NEB: variants seen among roughly 807,000 people sequenced by gnomAD.
NEB encodes the protein nemaline myopathy type 2.
A neutral mutation model predicts 952.2 loss-of-function variants in NEB; 512 were observed. That is an observed-to-expected ratio of 0.54 (90% CI 0.50 to 0.58). The LOEUF (loss-of-function observed/expected upper bound fraction) is 0.58. NEB is among the 20% of genes least tolerant of loss of function. The pLI, the probability that NEB is intolerant of heterozygous loss-of-function variation, is 0.00. For missense variants in NEB, 8,428 were observed against 9,231.1 expected, an observed-to-expected ratio of 0.91 and a Z score of 3.56; for synonymous variants, 2,900 against 3,149.8, an observed-to-expected ratio of 0.92 and a Z score of 2.66.
At chr2:151,630,268 C>T (rs4664492) in intron 67 of NEB, among the ~76,000 whole-genome samples, 1 of 152,006 alleles carries the variant, frequency 6.6e-6, no homozygotes, top group African/African-American at 2.4e-5. Flanking sequence ...ATAGAGAACA[C>T]TTCTTCCTTA....
intron 170 of NEB, 158 bp downstream of exon 170, chr2:151,498,100 CAT>C (rs2061552142): frequency 1.4e-6 from 2 of 1,478,662 alleles, no homozygotes; most frequent in Non-Finnish European, 9.0e-7. Context: ...AAAAAATTGA[CAT>C]TAACTGTATT....
At chr2:151,570,413 CAGA>C (rs747434554) in intron 108 of NEB, 21 bp from the exon 109 acceptor site, 1 of 1,571,812 alleles carries the variant, frequency 6.4e-7, no homozygotes, top group Non-Finnish European at 8.6e-7. Flanking sequence ...AAAAATAAAG[CAGA>C]TGGGTCACAG....
intron 27 of NEB, 78 bp downstream of exon 27, chr2:151,687,341 C>T: frequency 7.9e-7 from 1 of 1,257,916 alleles, no homozygotes; most frequent in South Asian, 1.3e-5. Context: ...TCATGAAATT[C>T]TTTTCCACAC....
chr2:151,619,463 G>T lies in NEB; in HGVS notation c.10860C>A (p.Asp3620Glu), dbSNP rs748243107. 31 of 1,605,724 alleles carry T rather than the reference G, an allele frequency of 1.9e-5. No individual in the cohort carries two copies. The Middle Eastern group carries it at 6.6e-4, about 34-fold the overall frequency. The change falls in exon 73 of 182, where the codon GAC becomes GAA. Residue 3620 changes from aspartate (D) to glutamate (E), a missense_variant. By Grantham distance (45) the Asp-to-Glu change is conservative. Transcript: ENST00000397345. ...CAAGGAAACTTACGTCACTCTGGAG[G>T]TCATAGGCTTTCCGTGCATGAATGA... ...NDIIHARKAYDLQSDNLYKSD... is the reference protein window; with the variant it reads ...NDIIHARKAYELQSDNLYKSD...
rs767693366 is a variant in NEB at position 151,723,487 on chromosome 2, C to G, written c.613-1G>C. ...CTTCCCAGTCTTCAGTGTACAGTTTCTAAATCAAAAAAGAGTGAAAAGTTA... is the reference window on the plus strand; with the variant it reads ...CTTCCCAGTCTTCAGTGTACAGTTTGTAAATCAAAAAAGAGTGAAAAGTTA... On this transcript the variant is annotated splice_acceptor_variant, in intron 8 of 181. Transcript: ENST00000397345. LOFTEE classifies it high-confidence loss of function. 1.5e-5 allele frequency: 24 copies of G among 1,596,786 alleles called. No individual in the cohort carries two copies. The highest frequency in any genetic ancestry group is 2.1e-5 in the Non-Finnish European group (24 of 1,169,802).
rs757918484 is a variant in NEB, at chr2:151,617,505, A to G, written c.11077-37T>C. ...AAAAAAAAAGAGAGAGAGAGAGAGA[A>G]AAATTATTTTGGTGTTCACAGATAT... On this transcript the variant is annotated intron_variant, in intron 74 of 181. Transcript: ENST00000397345. 1.8e-4 allele frequency: 224 copies of G among 1,229,256 alleles called. 1 individual carries two copies. The Middle Eastern group carries it at 1.8e-3, about 10-fold the overall frequency. The allele number at this position is 1,229,256 out of a possible 1,614,324, so 76.1% of individuals were successfully genotyped here.
intron 153 of NEB, chr2:151,520,061 A>G: frequency 4.7e-6 from 1 of 212,102 alleles, no homozygotes. Flanking sequence ...AAAATGGAAA[A>G]GGCTTCAGGC....
In NEB at chr2:151,506,899, G is replaced by GT; in HGVS notation, c.23556+9dup. ...GTTAGCATTAAATGCAAAATAAATA[G>GT]TAAATATACCGAGCTGAAATTCTTC... On this transcript the variant is annotated intron_variant, in intron 163 of 181. Transcript: ENST00000397345. The GT allele has an allele frequency of 1.3e-6, 2 of 1,555,110 alleles. No homozygotes were observed. The highest frequency in any genetic ancestry group is 1.8e-6 in the Non-Finnish European group (2 of 1,128,256).
chr2:151,519,631 T>G (rs774650288), intron 154 of NEB, 27 bp downstream of exon 154: 7 of 1,514,978 alleles, frequency 4.6e-6, no homozygotes, highest in Non-Finnish European at 5.5e-6. Context: ...CCATGTTATA[T>G]ATTTTACCAC....
At chr2:151,626,953 T>C (rs1473998569) in intron 70 of NEB, 49 bp downstream of exon 70, 2 of 1,589,430 alleles carry the variant, frequency 1.3e-6, no homozygotes, top group Non-Finnish European at 1.7e-6. Context: ...AATAGGTATC[T>C]TGAATGACAT....
chr2:151,512,636 A>C (rs923390037), intron 161 of NEB, 97 bp downstream of exon 161: 1 of 919,378 alleles, frequency 1.1e-6, no homozygotes, highest in Non-Finnish European at 1.7e-6. Context: ...ATTGGGAAAA[A>C]CTGATCTGAA....
chr2:151,546,687 T>C (rs1376134552), intron 133 of NEB, among the ~76,000 whole-genome samples: 1 of 151,832 alleles, frequency 6.6e-6, no homozygotes, highest in East Asian at 1.9e-4. Context: ...GCCTCCCTAG[T>C]AGCTGGGATT....
intron 54 of NEB, among the ~76,000 whole-genome samples, chr2:151,649,927 G>C (rs1575112082): frequency 6.6e-6 from 1 of 152,102 alleles, no homozygotes; most frequent in Non-Finnish European, 1.5e-5. Context: ...CAGTTTGTTC[G>C]ATCATTTTCC....
intron 13 of NEB, among the ~76,000 whole-genome samples, chr2:151,701,886 GT>G (rs2099672828): frequency 7.3e-6 from 1 of 136,090 alleles, no homozygotes; most frequent in African/African-American, 2.8e-5. Flanking sequence ...TCTGATTTTA[GT>G]TATTTCTTGC....
chr2:151,640,160 T>C (rs1037672527), intron 61 of NEB, 100 bp from the exon 62 acceptor site: 13 of 1,487,974 alleles, frequency 8.7e-6, no homozygotes, highest in African/African-American at 1.4e-5. Flanking sequence ...AAAATTTAGT[T>C]TGGTGGACGG....
chr2:151,531,841 T>TC lies in NEB; in HGVS notation c.21472dup (p.Asp7158GlyfsTer21). On this transcript the variant is annotated frameshift_variant, in exon 144 of 182. Transcript: ENST00000397345. LOFTEE classifies it high-confidence loss of function. ...TGTAGTACGCAGGTGTTCTGGAGTA[T>TC]CCACAATTGAGGTAAATTTGTCCTT... 6.2e-7 allele frequency: 1 copy of TC among 1,613,220 alleles called. No individual in the cohort carries two copies. The highest frequency in any genetic ancestry group is 1.1e-5 in the South Asian group (1 of 90,866).
At chr2:151,496,650 A>AATC (rs1476249214) in intron 172 of NEB, among the ~76,000 whole-genome samples, 5 of 152,162 alleles carry the variant, frequency 3.3e-5, no homozygotes, top group Admixed American at 3.3e-4. Context: ...CCTCCTAAAC[A>AATC]ATCACATGAG....
chr2:151,652,959 T>A (rs896527380), intron 52 of NEB, among the ~76,000 whole-genome samples: 5 of 152,206 alleles, frequency 3.3e-5, no homozygotes, highest in Non-Finnish European at 5.9e-5. Context: ...TTTATTTTAA[T>A]AAGGGATTGA....
intron 52 of NEB, 121 bp downstream of exon 52, chr2:151,653,871 G>T: frequency 1.6e-6 from 1 of 613,830 alleles, no homozygotes. Flanking sequence ...AAGAGGGTAG[G>T]AGAAAATGAA....
Sources: allele counts gnomAD v4.1 joint callset (sites outside exome capture counted in the v4.1 genomes callset), GRCh38; gene constraint gnomAD v4.1.1; transcripts MANE v1.5; gene names NCBI Gene and HGNC (gene_info 2026-07-23, HGNC 2026-07-21).